The following RFLNA variants were observed in gnomAD, a reference collection of about 807,000 sequenced individuals.
The protein encoded by RFLNA is refilin-A.
RFLNA carries 5 observed loss-of-function variants against 7.8 expected under a neutral mutation model. The ratio of observed to expected loss-of-function variants is 0.64; its 90% CI spans 0.34 to 1.35. The LOEUF (loss-of-function observed/expected upper bound fraction) is 1.35. Ranked by LOEUF, RFLNA falls within the 40% of genes most tolerant of loss-of-function variation. The probability of loss-of-function intolerance (pLI) is 0.04; values close to 1 mark genes in which losing one functional copy is unlikely to be tolerated. For missense variants in RFLNA, 278 were observed against 305.5 expected (o/e 0.91, Z 0.67); for synonymous variants, 141 against 131.3 (o/e 1.07, Z -0.50).
intron 1 of RFLNA, among the ~76,000 whole-genome samples, chr12:124,310,752 C>T (rs1480414233): frequency 6.6e-6 from 1 of 152,026 alleles, no homozygotes; most frequent in Non-Finnish European, 1.5e-5. Flanking sequence ...AACTTCCCAG[C>T]GTGGAGCTGT....
At chr12:124,311,764 G>A in intron 1 of RFLNA, 54 bp from the exon 2 acceptor site, 1 of 1,445,374 alleles carries the variant, frequency 6.9e-7, no homozygotes, top group East Asian at 2.8e-5. Context: ...GCAGGGAGCT[G>A]AGGCCACTGC....
chr12:124,300,926 G>A (rs1166026867), intron 1 of RFLNA, among the ~76,000 whole-genome samples: 3 of 151,772 alleles, frequency 2.0e-5, no homozygotes, highest in African/African-American at 7.3e-5. Flanking sequence ...GTGGATGGAT[G>A]GATGGATGGA....
At chr12:124,297,036 G>A (rs2033941353) in intron 1 of RFLNA, among the ~76,000 whole-genome samples, 1 of 152,214 alleles carries the variant, frequency 6.6e-6, no homozygotes, top group East Asian at 1.9e-4. Flanking sequence ...AAGGGGGCCA[G>A]CTTTCCTGCC....
In RFLNA at chr12:124,308,451, C is replaced by T. The variant is rs772486330; in HGVS notation, c.208-3367C>T. Among the ~76,000 whole-genome samples, 30 of 151,350 alleles carry T rather than the reference C, an allele frequency of 2.0e-4. 1 individual carries two copies. Among genetic ancestry groups the T allele is most frequent in the Admixed American group, 2.6e-4 (4 of 15,266 alleles). On this transcript the variant is annotated intron_variant, in intron 1 of 2. Transcript: ENST00000546355. Reference sequence around the variant, plus strand: ...GGCTTTGGGGGGGGACCCTGTTCTACCCACACTGCCCTTGTCCTTGGAAAG... The same window carrying T: ...GGCTTTGGGGGGGGACCCTGTTCTATCCACACTGCCCTTGTCCTTGGAAAG...
Position 124,302,813 on chromosome 12 carries a change from G to GA in RFLNA, c.207+7177_207+7178insA, listed in dbSNP as rs145051784. Among the ~76,000 whole-genome samples, 280 of 68,400 alleles carry GA rather than the reference G, an allele frequency of 4.1e-3. 4 individuals are homozygous for GA. The highest frequency in any genetic ancestry group is 9.4e-3 in the Middle Eastern group (1 of 106). The allele number at this position is 68,400 out of a possible 152,430, so 44.9% of individuals were successfully genotyped here. ...GGGCCGAGGTCAGGGGCTGAGGTCA[G>GA]GGGCCGAGGTCAGGGGCCGAGGTCA... On this transcript the variant is annotated intron_variant, in intron 1 of 2. Transcript: ENST00000546355.
At position 124,314,583 on chromosome 12, in the gene RFLNA, G is replaced by A; in HGVS notation, c.*58G>A. The A allele has an allele frequency of 6.5e-7, 1 of 1,536,066 alleles. No homozygotes were observed. The highest frequency in any genetic ancestry group is 8.7e-7 in the Non-Finnish European group (1 of 1,146,578). ...GCCGGGAGCCCTGGGGAGAAGCCGG[G>A]AGGATGGACACGATGAGCTCGGCCT... On this transcript the variant is annotated 3_prime_UTR_variant, in exon 3 of 3. Coordinates refer to ENST00000546355, the MANE Select transcript of RFLNA (RefSeq NM_001365156.1).
Position 124,289,624 on chromosome 12 carries a change from A to G in RFLNA, c.-37+254A>G, listed in dbSNP as rs1366867595. ...GGTCAAGAGCTGGTTTTATGAGTGG[A>G]CACCCAGGGCATGGGCCCTGACCCC... On this transcript the variant is annotated intron_variant, in intron 1 of 2. Transcript: ENST00000324038. This position sits in a 1 kb window ranked among gnomAD's most constrained non-coding sequence, Gnocchi z 5.0. Among the ~76,000 whole-genome samples, 1 of 152,184 alleles carries G rather than the reference A, an allele frequency of 6.6e-6. No individual in the cohort carries two copies. The highest frequency in any genetic ancestry group is 2.4e-5 in the African/African-American group (1 of 41,442).
chr12:124,296,122 TTCTCTCTCTCTCTCTC>T (rs1387346576), intron 1 of RFLNA, among the ~76,000 whole-genome samples: 1 of 3,754 alleles, frequency 2.7e-4, no homozygotes, highest in Non-Finnish European at 0.042. Context: ...CTTTCTTTCT[TTCTCTCTCTCTCTCTC>T]TTCTTCTCTT....
intron 1 of RFLNA, among the ~76,000 whole-genome samples, chr12:124,303,038 C>A (rs147240039): frequency 5.2e-4 from 79 of 152,306 alleles, no homozygotes; most frequent in Middle Eastern, 3.4e-3. Context: ...TGATGGGCCG[C>A]TAGTTGGCTC....
chr12:124,294,550 G>A (rs1024987453), upstream of RFLNA, among the ~76,000 whole-genome samples: 3 of 152,188 alleles, frequency 2.0e-5, no homozygotes, highest in Admixed American at 2.0e-4. Flanking sequence ...AAAAAATGCA[G>A]GAACAGCCAG....
upstream of RFLNA, among the ~76,000 whole-genome samples, chr12:124,290,310 TTG>T (rs531006854): frequency 7.6e-4 from 116 of 152,252 alleles, no homozygotes; most frequent in Non-Finnish European, 8.5e-4. The surrounding 1 kb of genome is among the most constrained non-coding windows in gnomAD (Gnocchi z 4.0). Context: ...GTGTGTATAT[TTG>T]TGTGTCCATG....
intron 1 of RFLNA, among the ~76,000 whole-genome samples, chr12:124,296,076 C>CTTTCT (rs1555294084): frequency 7.6e-4 from 4 of 5,294 alleles, no homozygotes; most frequent in African/African-American, 1.4e-3. Flanking sequence ...AAAGCCTTTT[C>CTTTCT]TTTCTTTCTT....
chr12:124,314,381 C>T lies in RFLNA; in HGVS notation c.507C>T (p.Ile169=), dbSNP rs755176142. The stretch of plus-strand genomic sequence containing the variant: ...CCCTGCGCTTCCGCAGCACCACCAT[C>T]ATCTTCCCCAAGCATGCCAGGAGCA... ...PRALRFRSTT[I]IFPKHARSTF... The change falls in exon 3 of 3, where the codon ATC becomes ATT. Residue 169 remains isoleucine (I), a synonymous_variant. Coordinates refer to ENST00000546355, the MANE Select transcript of RFLNA (RefSeq NM_001365156.1). 2.5e-6 allele frequency: 4 copies of T among 1,612,124 alleles called. No individual in the cohort carries two copies. The highest frequency in any genetic ancestry group is 3.4e-6 in the Non-Finnish European group (4 of 1,179,934).
intron 1 of RFLNA, among the ~76,000 whole-genome samples, chr12:124,303,965 C>A (rs1431250366): frequency 6.6e-6 from 1 of 152,196 alleles, no homozygotes; most frequent in Non-Finnish European, 1.5e-5. Context: ...CCTTCCCTGG[C>A]CCTCCCCTGC....
intron 1 of RFLNA, among the ~76,000 whole-genome samples, chr12:124,302,592 CTG>C (rs1445419112): frequency 1.3e-5 from 2 of 152,182 alleles, no homozygotes; most frequent in Non-Finnish European, 1.5e-5. Context: ...ATAGCCAAGG[CTG>C]TCATCAGAAG....
At chr12:124,290,120 G>T (rs1162989820), upstream of RFLNA, among the ~76,000 whole-genome samples, 7 of 152,200 alleles carry the variant, frequency 4.6e-5, no homozygotes, top group African/African-American at 1.4e-4. The surrounding 1 kb of genome is among the most constrained non-coding windows in gnomAD (Gnocchi z 4.0). Context: ...CTAAAAATAG[G>T]CAAGAGCCCG....
chr12:124,316,023 A>C lies in RFLNA; in HGVS notation c.*1498A>C, dbSNP rs1329551883. ...TTATCTTAATAAACTGTGCAAACCC[A>C]ACGGGACTTCCTTTTCTGTCTGTGA... On this transcript the variant is annotated 3_prime_UTR_variant, in exon 3 of 3. Coordinates refer to ENST00000546355, the MANE Select transcript of RFLNA (RefSeq NM_001365156.1). 6.6e-6 allele frequency: 1 copy of C among 152,264 alleles called. No individual in the cohort carries two copies. The highest frequency in any genetic ancestry group is 1.5e-5 in the Non-Finnish European group (1 of 68,046). The allele number at this position is 152,264 out of a possible 1,614,324, so 9.4% of individuals were successfully genotyped here.
rs1449445567 is a variant in RFLNA at position 124,295,263 on chromosome 12, G to A, written c.-167G>A. 8 of 174,070 alleles carry A rather than the reference G, an allele frequency of 4.6e-5. No homozygotes were observed. The highest frequency in any genetic ancestry group is 1.7e-4 in the African/African-American group (7 of 41,354). 10.8% of individuals were successfully genotyped at this position (174,070 alleles called of 1,614,324 possible). A position where few individuals can be genotyped will look rare whatever the true frequency, so the allele number is the denominator to read the frequency against. ...ACGGCGGCGAGCAGGCTGCAGGCCCGCGGGGATCCGGGGCGCGGGGGGCGC... is the reference window on the plus strand; with the variant it reads ...ACGGCGGCGAGCAGGCTGCAGGCCCACGGGGATCCGGGGCGCGGGGGGCGC... On this transcript the variant is annotated 5_prime_UTR_variant, in exon 1 of 3. Coordinates refer to ENST00000546355, the MANE Select transcript of RFLNA (RefSeq NM_001365156.1).
At chr12:124,312,366 A>G (rs1035665125) in intron 2 of RFLNA, among the ~76,000 whole-genome samples, 4 of 150,196 alleles carry the variant, frequency 2.7e-5, no homozygotes, top group African/African-American at 9.8e-5. Context: ...GCTGAAGTGC[A>G]GTGGTGGGAT....
Sources: allele counts gnomAD v4.1 joint callset (sites outside exome capture counted in the v4.1 genomes callset), GRCh38; gene constraint gnomAD v4.1.1; non-coding constraint Gnocchi (gnomAD v3.1); transcripts MANE v1.5; gene names NCBI Gene and HGNC (gene_info 2026-07-23, HGNC 2026-07-21).